CDH6: variants seen among roughly 807,000 people sequenced by gnomAD.
The protein encoded by CDH6 is cadherin 6.
Under a neutral mutation model 78.0 loss-of-function variants are expected in CDH6, and 31 were observed. The ratio of observed to expected loss-of-function variants is 0.40; its 90% CI spans 0.30 to 0.54. The LOEUF is 0.54. CDH6 is among the 20% of genes least tolerant of loss of function. The pLI is 0.56. For synonymous variants in CDH6, 376 were observed against 368.8 expected, an observed-to-expected ratio of 1.02 and a Z score of -0.23; for missense variants, 724 against 975.9, an observed-to-expected ratio of 0.74 and a Z score of 3.44.
At chr5:31,288,511 T>C (rs549028994) in intron 2 of CDH6, among the ~76,000 whole-genome samples, 1 of 152,316 alleles carries the variant, frequency 6.6e-6, no homozygotes, top group East Asian at 1.9e-4. Flanking sequence ...ACACTGTCTA[T>C]TTATTAGCAT....
chr5:31,270,825 A>T (rs1442026427), intron 2 of CDH6, among the ~76,000 whole-genome samples: 1 of 151,994 alleles, frequency 6.6e-6, no homozygotes, highest in African/African-American at 2.4e-5. Flanking sequence ...ACTCCCAACT[A>T]GCTGAGACTA....
Position 31,324,750 on chromosome 5 carries a change from A to T in CDH6, c.*1442A>T. On this transcript the variant is annotated 3_prime_UTR_variant, in exon 12 of 12. Transcript: ENST00000265071. ...TTATGCAATTAGCCTCATAGTTATT[A>T]TCCAGAGGACCCAACTGAACTGAAC... 4.8e-6 allele frequency: 1 copy of T among 208,438 alleles called. No individual in the cohort carries two copies. Among genetic ancestry groups the T allele is most frequent in the Non-Finnish European group, 9.8e-6 (1 of 102,344 alleles). 12.9% of individuals were successfully genotyped at this position (208,438 alleles called of 1,614,324 possible). A position where few individuals can be genotyped will look rare whatever the true frequency, so the allele number is the denominator to read the frequency against.
At chr5:31,215,352 G>A (rs1417472870) in intron 1 of CDH6, among the ~76,000 whole-genome samples, 1 of 152,086 alleles carries the variant, frequency 6.6e-6, no homozygotes, top group East Asian at 1.9e-4. Flanking sequence ...AGGTTTAGGG[G>A]TACCATCAAT....
chr5:31,272,979 T>C (rs911824558), intron 2 of CDH6, among the ~76,000 whole-genome samples: 33 of 152,294 alleles, frequency 2.2e-4, no homozygotes, highest in Admixed American at 2.2e-3. Context: ...CCAATATGCC[T>C]TTATCCTCAG....
intron 1 of CDH6, among the ~76,000 whole-genome samples, chr5:31,231,547 A>G (rs541878421): frequency 3.9e-5 from 6 of 152,208 alleles, no homozygotes; most frequent in African/African-American, 1.2e-4. Context: ...TCAAGGGGAC[A>G]TATCTGGTGA....
Position 31,305,255 on chromosome 5 carries a change from T to C in CDH6, c.1081T>C (p.Leu361=), listed in dbSNP as rs13355289. The change falls in exon 7 of 12, where the codon TTG becomes CTG. Residue 361 remains leucine (L), a synonymous_variant. Transcript: ENST00000265071. ...TTATGTTGAGCCACGATTTCTCTAC[T>C]TGGGGCCTTTCAAAGATTCAGCCAC... ...NPYVEPRFLY[L]GPFKDSATVR... The C allele has an allele frequency of 2.3e-3, 3,787 of 1,614,140 alleles. 86 individuals are homozygous for C. In the African/African-American group the frequency reaches 0.045, roughly 19 times the overall value.
At chr5:31,251,718 G>T (rs2149924959) in intron 1 of CDH6, 1 of 152,278 alleles carries the variant, frequency 6.6e-6, no homozygotes, top group Non-Finnish European at 1.5e-5. Flanking sequence ...ACAGAAGTTA[G>T]AATAGCAACT....
chr5:31,311,876 A>G (rs1364464704), intron 7 of CDH6, among the ~76,000 whole-genome samples: 1 of 152,236 alleles, frequency 6.6e-6, no homozygotes, highest in Non-Finnish European at 1.5e-5. Context: ...GTGGGGACAC[A>G]GAGCCAAACC....
chr5:31,272,193 A>T (rs1235737693), intron 2 of CDH6, among the ~76,000 whole-genome samples: 2 of 152,210 alleles, frequency 1.3e-5, no homozygotes, highest in Non-Finnish European at 2.9e-5. Context: ...AATTAATCGG[A>T]TGAAGAAGCC....
At chr5:31,303,129 TA>T (rs1045213426) in intron 6 of CDH6, among the ~76,000 whole-genome samples, 1 of 152,120 alleles carries the variant, frequency 6.6e-6, no homozygotes, top group Admixed American at 6.5e-5. Context: ...ATGATATTCG[TA>T]AAAATATATA....
At chr5:31,296,078 A>G (rs1737585510) in intron 3 of CDH6, among the ~76,000 whole-genome samples, 1 of 152,160 alleles carries the variant, frequency 6.6e-6, no homozygotes, top group African/African-American at 2.4e-5. Flanking sequence ...AGGGCATCCA[A>G]CCCTAACATA....
rs542712602 is a variant in CDH6 at position 31,239,110 on chromosome 5, G to A, written c.-128-28236G>A. Among the ~76,000 whole-genome samples, 8 of 152,210 alleles carry A rather than the reference G, an allele frequency of 5.3e-5. No individual in the cohort carries two copies. The East Asian group carries it at 5.8e-4, about 11-fold the overall frequency. On this transcript the variant is annotated intron_variant, in intron 1 of 11. Coordinates refer to ENST00000265071, the MANE Select transcript of CDH6 (RefSeq NM_004932.4). The stretch of plus-strand genomic sequence containing the variant: ...TTCCGGAAATCATAACTGTTCCTCC[G>A]CAGGGCATCATATGGTAGATACATA...
intron 2 of CDH6, among the ~76,000 whole-genome samples, chr5:31,283,860 G>A (rs1742936914): frequency 6.6e-6 from 1 of 151,212 alleles, no homozygotes. Context: ...TGTCTCCCAG[G>A]CTTGAGTACA....
At chr5:31,241,979 C>A (rs1741615533) in intron 1 of CDH6, among the ~76,000 whole-genome samples, 1 of 152,138 alleles carries the variant, frequency 6.6e-6, no homozygotes, top group Admixed American at 6.5e-5. Flanking sequence ...TACTCTTGGC[C>A]CCTATTGCAA....
chr5:31,311,890 T>C (rs561831959), intron 7 of CDH6, among the ~76,000 whole-genome samples: 44 of 152,176 alleles, frequency 2.9e-4, no homozygotes, highest in Non-Finnish European at 5.1e-4. Flanking sequence ...CCAAACCATA[T>C]CACATAGCTA....
chr5:31,316,876 C>A (rs1181913814), intron 9 of CDH6, among the ~76,000 whole-genome samples: 1 of 152,146 alleles, frequency 6.6e-6, no homozygotes, highest in African/African-American at 2.4e-5. Context: ...GTTCTATATA[C>A]TTCTTTTTCA....
chr5:31,210,881 C>T (rs1740686323), intron 1 of CDH6, among the ~76,000 whole-genome samples: 2 of 152,048 alleles, frequency 1.3e-5, no homozygotes, highest in Non-Finnish European at 2.9e-5. Context: ...CGCACAGATA[C>T]AGAGGGCCAA....
At chr5:31,246,344 C>A (rs888463812) in intron 1 of CDH6, among the ~76,000 whole-genome samples, 1 of 152,180 alleles carries the variant, frequency 6.6e-6, no homozygotes, top group Non-Finnish European at 1.5e-5. Flanking sequence ...CCATTGCACC[C>A]TATTGCTCAG....
At chr5:31,313,116 C>G (rs1353170572) in intron 7 of CDH6, among the ~76,000 whole-genome samples, 1 of 152,056 alleles carries the variant, frequency 6.6e-6, no homozygotes, top group East Asian at 1.9e-4. Context: ...ACTATTAAGA[C>G]CTCCATTGTG....
Sources: gnomAD v4.1 joint callset for allele counts (sites outside exome capture counted in the v4.1 genomes callset) on GRCh38, gnomAD v4.1.1 for gene constraint, MANE v1.5 for transcripts, NCBI Gene and HGNC (gene_info 2026-07-23, HGNC 2026-07-21) for gene names.